The following TNNI3K variants were observed in gnomAD, a reference collection of about 807,000 sequenced individuals.
The protein encoded by TNNI3K is serine/threonine-protein kinase TNNI3K.
Under a neutral mutation model 114.5 loss-of-function variants are expected in TNNI3K, and 140 were observed. The observed-to-expected ratio is 1.22, with a 90% confidence interval of 1.07 to 1.41. TNNI3K has a LOEUF of 1.41. Ranked by LOEUF, TNNI3K falls within the 40% of genes most tolerant of loss-of-function variation. TNNI3K has a pLI of 0.00. For missense variants in TNNI3K, 1,125 were observed against 1,007.6 expected (o/e 1.12, Z -1.58); for synonymous variants, 347 against 347.5 (o/e 1.00, Z 0.02).
At chr1:74,277,598 A>G (rs1482684661) in intron 5 of TNNI3K, among the ~76,000 whole-genome samples, 3 of 152,170 alleles carry the variant, frequency 2.0e-5, no homozygotes, top group Non-Finnish European at 4.4e-5. Flanking sequence ...CCTCAAGTGT[A>G]AAACACTTTA....
intron 17 of TNNI3K, among the ~76,000 whole-genome samples, chr1:74,434,871 T>A (rs1666054992): frequency 6.6e-6 from 1 of 152,044 alleles, no homozygotes; most frequent in South Asian, 2.1e-4. Context: ...CAAAAGTAAC[T>A]TTTTTATAAA....
chr1:74,314,081 GTATATATA>G, intron 5 of TNNI3K, among the ~76,000 whole-genome samples: 1 of 1,590 alleles, frequency 6.3e-4, no homozygotes, highest in East Asian at 0.038. Context: ...ATATATATAT[GTATATATA>G]TGTATATATA....
intron 17 of TNNI3K, among the ~76,000 whole-genome samples, chr1:74,420,070 A>G (rs2203369): frequency 0.63 from 95,218 of 151,788 alleles, 33,475 homozygotes; most frequent in East Asian, 0.81. Flanking sequence ...TTTAGGGGAG[A>G]CATGCACTTT....
intron 23 of TNNI3K, among the ~76,000 whole-genome samples, chr1:74,496,112 G>C (rs887990952): frequency 6.6e-6 from 1 of 152,150 alleles, no homozygotes; most frequent in Non-Finnish European, 1.5e-5. Flanking sequence ...TGGCACCCAG[G>C]CATCAGAATG....
At chr1:74,376,684 A>G (rs1039539013) in intron 17 of TNNI3K, 17 of 152,168 alleles carry the variant, frequency 1.1e-4, no homozygotes, top group African/African-American at 4.1e-4. Context: ...TATTGAATAC[A>G]TGATATGATC....
chr1:74,457,908 T>C (rs1667293161), intron 20 of TNNI3K, among the ~76,000 whole-genome samples: 1 of 152,200 alleles, frequency 6.6e-6, no homozygotes, highest in Non-Finnish European at 1.5e-5. Context: ...AAATTTGCAG[T>C]AACTCAATGT....
intron 21 of TNNI3K, chr1:74,470,611 T>C (rs1667879300): frequency 2.5e-6 from 1 of 400,736 alleles, no homozygotes; most frequent in Non-Finnish European, 4.4e-6. Context: ...AGAGGAATCA[T>C]AAGTTTCTGT....
At chr1:74,267,571 T>A (rs981315709) in intron 4 of TNNI3K, among the ~76,000 whole-genome samples, 1 of 151,990 alleles carries the variant, frequency 6.6e-6, no homozygotes, top group African/African-American at 2.4e-5. Context: ...AGGTAAATTG[T>A]GAAGCTTAAA....
chr1:74,404,344 C>T (rs537595270), intron 17 of TNNI3K, among the ~76,000 whole-genome samples: 17 of 152,190 alleles, frequency 1.1e-4, no homozygotes, highest in Admixed American at 4.6e-4. Context: ...TCTCTTCTTG[C>T]CCGTTTAATT....
intron 17 of TNNI3K, among the ~76,000 whole-genome samples, chr1:74,427,206 T>C (rs923218837): frequency 1.6e-5 from 2 of 121,938 alleles, no homozygotes; most frequent in African/African-American, 4.9e-5. Context: ...AGGGATTGCA[T>C]AGAGACTTTA....
intron 17 of TNNI3K, among the ~76,000 whole-genome samples, chr1:74,406,842 A>G (rs1237567212): frequency 6.6e-6 from 1 of 152,184 alleles, no homozygotes; most frequent in East Asian, 1.9e-4. Context: ...ATCACTGCAG[A>G]ATGTCTCCGC....
At chr1:74,345,052 T>C (rs570141490) in intron 9 of TNNI3K, among the ~76,000 whole-genome samples, 2 of 152,228 alleles carry the variant, frequency 1.3e-5, no homozygotes, top group African/African-American at 4.8e-5. Flanking sequence ...TGCATGTATG[T>C]ATGCATGTAT....
At chr1:74,396,441 C>T (rs1253772827) in intron 17 of TNNI3K, among the ~76,000 whole-genome samples, 2 of 152,148 alleles carry the variant, frequency 1.3e-5, no homozygotes, top group Non-Finnish European at 2.9e-5. Flanking sequence ...AGAATGAGGC[C>T]ACTCTTGGAA....
intron 17 of TNNI3K, among the ~76,000 whole-genome samples, chr1:74,409,797 C>G (rs998529161): frequency 3.9e-5 from 6 of 152,018 alleles, no homozygotes; most frequent in Non-Finnish European, 2.9e-5. Context: ...CCCACCTTTT[C>G]TTTTATATTT....
chr1:74,301,355 G>A (rs968579414), intron 5 of TNNI3K, among the ~76,000 whole-genome samples: 6 of 152,016 alleles, frequency 3.9e-5, no homozygotes, highest in African/African-American at 1.4e-4. Context: ...AGCCGAGATC[G>A]AGCCACTGCA....
At chr1:74,498,675 A>G (rs1220703813) in intron 23 of TNNI3K, among the ~76,000 whole-genome samples, 1 of 152,140 alleles carries the variant, frequency 6.6e-6, no homozygotes. Context: ...GTTCAAATAT[A>G]TTCTCATCCA....
intron 23 of TNNI3K, among the ~76,000 whole-genome samples, chr1:74,519,699 A>G (rs1161552837): frequency 3.3e-5 from 5 of 152,224 alleles, no homozygotes; most frequent in African/African-American, 1.2e-4. Flanking sequence ...CCCACAGAAT[A>G]TATCTTTAAA....
At chr1:74,256,155 T>C (rs1326456311) in intron 4 of TNNI3K, among the ~76,000 whole-genome samples, 1 of 152,114 alleles carries the variant, frequency 6.6e-6, no homozygotes, top group Non-Finnish European at 1.5e-5. Context: ...ACATAATAAG[T>C]ATATGCTTAA....
chr1:74,438,344 T>C (rs1207196947), intron 19 of TNNI3K, among the ~76,000 whole-genome samples: 1 of 152,038 alleles, frequency 6.6e-6, no homozygotes, highest in Non-Finnish European at 1.5e-5. Flanking sequence ...AAGATATTAT[T>C]GGAAAGCTGT....
Sources: gnomAD v4.1 joint callset for allele counts (sites outside exome capture counted in the v4.1 genomes callset) on GRCh38, gnomAD v4.1.1 for gene constraint, MANE v1.5 for transcripts, NCBI Gene and HGNC (gene_info 2026-07-23, HGNC 2026-07-21) for gene names.